The following TMEM232 variants were observed in gnomAD, a reference collection of about 807,000 sequenced individuals.
TMEM232 encodes the protein transmembrane protein 232.
A neutral mutation model predicts 78.8 loss-of-function variants in TMEM232; 80 were observed. The ratio of observed to expected loss-of-function variants is 1.01; its 90% CI spans 0.85 to 1.22. TMEM232 has a LOEUF of 1.22. TMEM232 is among the 50% of genes most tolerant of loss of function. The probability of loss-of-function intolerance (pLI) is 0.00; values close to 1 mark genes in which losing one functional copy is unlikely to be tolerated. For missense variants in TMEM232, 881 were observed against 742.2 expected, an observed-to-expected ratio of 1.19 and a Z score of -2.17; for synonymous variants, 297 against 254.3, an observed-to-expected ratio of 1.17 and a Z score of -1.60.
chr5:110,460,077 A>G (rs1761330972), intron 12 of TMEM232, among the ~76,000 whole-genome samples: 1 of 152,172 alleles, frequency 6.6e-6, no homozygotes, highest in Non-Finnish European at 1.5e-5. Context: ...ACCTGGAGGA[A>G]AAATAACTAT....
At chr5:110,708,786 A>T (rs1205839044) in intron 1 of TMEM232, among the ~76,000 whole-genome samples, 1 of 152,170 alleles carries the variant, frequency 6.6e-6, no homozygotes, top group East Asian at 1.9e-4. Flanking sequence ...AAACAATTTC[A>T]CTTAAATAAA....
At chr5:110,497,582 G>C (rs908664051) in intron 12 of TMEM232, among the ~76,000 whole-genome samples, 1 of 152,118 alleles carries the variant, frequency 6.6e-6, no homozygotes, top group Non-Finnish European at 1.5e-5. Context: ...CATATTTTCA[G>C]CTTCTCTTGG....
At chr5:110,479,652 T>C (rs1048825445) in intron 12 of TMEM232, among the ~76,000 whole-genome samples, 1 of 151,932 alleles carries the variant, frequency 6.6e-6, no homozygotes, top group Admixed American at 6.6e-5. Context: ...TTACTTATTT[T>C]ACTATCAATT....
At chr5:110,565,105 C>T (rs1561698509) in intron 11 of TMEM232, among the ~76,000 whole-genome samples, 5 of 151,952 alleles carry the variant, frequency 3.3e-5, no homozygotes. Context: ...TGAAATTCAT[C>T]AACATTTGCT....
At chr5:110,537,436 T>C (rs1431448741) in intron 11 of TMEM232, among the ~76,000 whole-genome samples, 2 of 152,092 alleles carry the variant, frequency 1.3e-5, no homozygotes, top group East Asian at 1.9e-4. Flanking sequence ...CAAAATCCCA[T>C]ATGTACAGAC....
intron 1 of TMEM232, among the ~76,000 whole-genome samples, chr5:110,679,826 C>G (rs1561502454): frequency 6.6e-6 from 1 of 151,748 alleles, no homozygotes; most frequent in Non-Finnish European, 1.5e-5. Context: ...TACTCAAAAG[C>G]AATTTTATGT....
chr5:110,711,597 A>G (rs1438217301), intron 1 of TMEM232, among the ~76,000 whole-genome samples: 1 of 152,202 alleles, frequency 6.6e-6, no homozygotes, highest in African/African-American at 2.4e-5. Flanking sequence ...ACATAGACCA[A>G]TGGAGCAGAA....
chr5:110,668,392 ATCTCAC>A, intron 1 of TMEM232, among the ~76,000 whole-genome samples: 1 of 152,240 alleles, frequency 6.6e-6, no homozygotes, highest in Middle Eastern at 3.4e-3. Flanking sequence ...AGAAACTCCA[ATCTCAC>A]TCTCCTTGCG....
chr5:110,693,891 T>C (rs1338690463), intron 1 of TMEM232, among the ~76,000 whole-genome samples: 19 of 152,088 alleles, frequency 1.2e-4, no homozygotes. Context: ...TAGGATATTA[T>C]CCAGGAGAAC....
chr5:110,676,728 A>G (rs545578027), intron 1 of TMEM232, among the ~76,000 whole-genome samples: 7 of 136,940 alleles, frequency 5.1e-5, no homozygotes, highest in African/African-American at 2.0e-4. Flanking sequence ...CGGACCCTTC[A>G]TCTTTTATTT....
chr5:110,487,055 A>ATT (rs373820571), intron 12 of TMEM232, among the ~76,000 whole-genome samples: 7 of 149,390 alleles, frequency 4.7e-5, no homozygotes, highest in African/African-American at 1.7e-4. Context: ...ATTCCTAAGA[A>ATT]TTTTTTTTTT....
At chr5:110,539,049 T>C (rs1772771271) in intron 11 of TMEM232, among the ~76,000 whole-genome samples, 1 of 152,146 alleles carries the variant, frequency 6.6e-6, no homozygotes, top group South Asian at 2.1e-4. Flanking sequence ...GGGGCACTGC[T>C]ACAATGTAAG....
intron 11 of TMEM232, among the ~76,000 whole-genome samples, chr5:110,536,840 T>G (rs562883919): frequency 1.3e-5 from 2 of 152,272 alleles, no homozygotes; most frequent in Admixed American, 6.5e-5. Flanking sequence ...CAGGAACTGA[T>G]GTACAATCTA....
At chr5:110,690,594 T>C (rs1032319116) in intron 1 of TMEM232, among the ~76,000 whole-genome samples, 3 of 152,140 alleles carry the variant, frequency 2.0e-5, no homozygotes, top group African/African-American at 7.2e-5. Context: ...GAACCAGAAA[T>C]ACTATTTGAC....
chr5:110,502,171 T>A (rs1766336825), intron 12 of TMEM232, among the ~76,000 whole-genome samples: 1 of 152,160 alleles, frequency 6.6e-6, no homozygotes, highest in African/African-American at 2.4e-5. Flanking sequence ...AAAATATGGA[T>A]GTCATTTCAT....
intron 2 of TMEM232, among the ~76,000 whole-genome samples, chr5:110,405,903 A>T (rs1755774330): frequency 6.6e-6 from 1 of 151,996 alleles, no homozygotes; most frequent in African/African-American, 2.4e-5. Flanking sequence ...ATAAAAAATT[A>T]TCAATACATT....
intron 12 of TMEM232, chr5:110,429,892 T>C (rs2112670465): frequency 6.6e-6 from 1 of 151,894 alleles, no homozygotes; most frequent in East Asian, 1.9e-4. Context: ...CCTTACCTTT[T>C]AATTATTTGG....
intron 12 of TMEM232, among the ~76,000 whole-genome samples, chr5:110,449,027 T>A (rs988280206): frequency 6.6e-6 from 1 of 151,970 alleles, no homozygotes; most frequent in Non-Finnish European, 1.5e-5. Flanking sequence ...AGTAATATTA[T>A]GTAGCTTACA....
At chr5:110,725,436 T>C (rs27122) in intron 1 of TMEM232, among the ~76,000 whole-genome samples, 148,525 of 152,288 alleles carry the variant, frequency 0.98, 72,511 homozygotes, top group Non-Finnish European at 1. Flanking sequence ...GAGCTCTGGA[T>C]GGACAATGAA....
Sources: allele counts gnomAD v4.1 joint callset (sites outside exome capture counted in the v4.1 genomes callset), GRCh38; gene constraint gnomAD v4.1.1; transcripts MANE v1.5; gene names NCBI Gene and HGNC (gene_info 2026-07-23, HGNC 2026-07-21).